The following XNDC1N variants were observed in gnomAD, a reference collection of about 807,000 sequenced individuals.
XNDC1N encodes the protein XRCC1 N-terminal domain containing 1, N-terminal like, also known as protein XNDC1N.
At chr11:71,867,005 A>G in the XNDC1N span, among the ~76,000 whole-genome samples, 7 of 152,218 alleles carry the variant, frequency 4.6e-5, no homozygotes, top group Non-Finnish European at 7.3e-5. Flanking sequence ...TCAAAATACA[A>G]AATAAAATAT....
At chr11:71,878,383 A>G in the XNDC1N span, 1 of 1,561,302 alleles carries the variant, frequency 6.4e-7, no homozygotes. Flanking sequence ...TCTTCAGAGG[A>G]CTGAATGTAC....
At chr11:71,919,906 C>T in the XNDC1N span, among the ~76,000 whole-genome samples, 6 of 142,744 alleles carry the variant, frequency 4.2e-5, no homozygotes, top group Admixed American at 1.4e-4. Context: ...CGTGAGCCAC[C>T]GCGCCCAGCC....
At chr11:71,898,754 C>T in the XNDC1N span, among the ~76,000 whole-genome samples, 1 of 152,062 alleles carries the variant, frequency 6.6e-6, no homozygotes. Context: ...GTGCAATTTC[C>T]ATTTTGAAAG....
the XNDC1N span, chr11:71,927,452 C>G: frequency 6.6e-6 from 1 of 151,806 alleles, no homozygotes; most frequent in Admixed American, 6.6e-5. Context: ...ACCCAGTAGG[C>G]GGAGGCTGCA....
chr11:71,908,811 G>C, the XNDC1N span, among the ~76,000 whole-genome samples: 1 of 152,194 alleles, frequency 6.6e-6, no homozygotes, highest in African/African-American at 2.4e-5. Context: ...TAAGTGGCTA[G>C]AGGAACATGC....
the XNDC1N span, among the ~76,000 whole-genome samples, chr11:71,919,929 CTTTTTTTTTTTTTTTTTTTTTTTTTTTTT>C: frequency 2.0e-3 from 52 of 26,630 alleles, no homozygotes; most frequent in Non-Finnish European, 3.1e-3. Flanking sequence ...AAGCAGGCCT[CTTTTTTTTTTTTTTTTTTTTTTTTTTTTT>C]TTTTTTTTTT....
At chr11:71,899,845 C>CA in the XNDC1N span, among the ~76,000 whole-genome samples, 1 of 152,192 alleles carries the variant, frequency 6.6e-6, no homozygotes, top group South Asian at 2.1e-4. Context: ...AGGAAAGCCT[C>CA]TTGCAGTTGA....
the XNDC1N span, among the ~76,000 whole-genome samples, chr11:71,920,024 C>A: frequency 8.0e-6 from 1 of 124,418 alleles, no homozygotes; most frequent in Non-Finnish European, 1.6e-5. Flanking sequence ...GTGGTGCAAT[C>A]TCGGCTCACC....
At chr11:71,900,062 T>TACTC in the XNDC1N span, among the ~76,000 whole-genome samples, 1 of 152,176 alleles carries the variant, frequency 6.6e-6, no homozygotes, top group Non-Finnish European at 1.5e-5. Flanking sequence ...CTGATGTGCA[T>TACTC]GTCCAATCAT....
At chr11:71,920,940 G>A in the XNDC1N span, among the ~76,000 whole-genome samples, 1 of 152,080 alleles carries the variant, frequency 6.6e-6, no homozygotes, top group Non-Finnish European at 1.5e-5. Flanking sequence ...ACTCCAGCCT[G>A]GGAGACAGAG....
the XNDC1N span, chr11:71,865,815 T>G: frequency 2.2e-6 from 1 of 446,178 alleles, no homozygotes; most frequent in African/African-American, 2.1e-5. Flanking sequence ...TATTGTAGGA[T>G]GTTTAGCAGC....
At chr11:71,871,279 GA>G in the XNDC1N span, among the ~76,000 whole-genome samples, 2 of 152,154 alleles carry the variant, frequency 1.3e-5, no homozygotes, top group Non-Finnish European at 2.9e-5. Flanking sequence ...GCCTGCCACA[GA>G]AAGACAAATA....
the XNDC1N span, among the ~76,000 whole-genome samples, chr11:71,919,757 A>G: frequency 1.3e-5 from 2 of 150,190 alleles, no homozygotes; most frequent in Admixed American, 1.3e-4. Context: ...AGCTGGGACT[A>G]CAGGCGCCCA....
At chr11:71,910,332 G>A in the XNDC1N span, among the ~76,000 whole-genome samples, 3 of 151,916 alleles carry the variant, frequency 2.0e-5, no homozygotes, top group African/African-American at 7.3e-5. Flanking sequence ...CCTGAAAGAC[G>A]TTTTCTTTCC....
the XNDC1N span, chr11:71,928,242 C>T: frequency 2.9e-5 from 16 of 553,036 alleles, no homozygotes; most frequent in South Asian, 3.3e-4. Context: ...GTTTCGGGAG[C>T]TCAAGCCGCA....
the XNDC1N span, among the ~76,000 whole-genome samples, chr11:71,868,526 CT>C: frequency 6.6e-6 from 1 of 152,068 alleles, no homozygotes; most frequent in Non-Finnish European, 1.5e-5. Context: ...TTTATTTCTC[CT>C]TTGCTTATAA....
chr11:71,877,392 C>A, the XNDC1N span, among the ~76,000 whole-genome samples: 1 of 152,256 alleles, frequency 6.6e-6, no homozygotes, highest in African/African-American at 2.4e-5. Context: ...AATCCCAGCA[C>A]TTCGGGAGGC....
chr11:71,878,470 T>A, the XNDC1N span: 1 of 1,611,820 alleles, frequency 6.2e-7, no homozygotes, highest in Non-Finnish European at 8.5e-7. Context: ...TCTTGTTTTT[T>A]GTCTTTGGAG....
the XNDC1N span, chr11:71,919,093 T>A: frequency 1.5e-6 from 1 of 688,738 alleles, no homozygotes; most frequent in Non-Finnish European, 2.7e-6. Context: ...TGCCCATGAA[T>A]GAGGGATCGC....
Sources: gnomAD v4.1 joint callset for allele counts (sites outside exome capture counted in the v4.1 genomes callset) on GRCh38, gnomAD v4.1.1 for gene constraint, MANE v1.5 for transcripts, NCBI Gene and HGNC (gene_info 2026-07-23, HGNC 2026-07-21) for gene names.